The following LBH variants were observed in gnomAD, a reference collection of about 807,000 sequenced individuals.
LBH encodes protein LBH.
A neutral mutation model predicts 12.5 loss-of-function variants in LBH; 7 were observed. The observed-to-expected ratio is 0.56, with a 90% CI of 0.32 to 1.05. The LOEUF is 1.05. Among genes scored for constraint, LBH ranks in the 50% least tolerant of loss-of-function variants. LBH has a pLI of 0.04. For synonymous variants in LBH, 51 were observed against 50.1 expected, an observed-to-expected ratio of 1.02 and a Z score of -0.08; for missense variants, 119 against 138.9, an observed-to-expected ratio of 0.86 and a Z score of 0.72.
In LBH at chr2:30,257,578, A is replaced by G. The variant is rs1446609662; in HGVS notation, c.275A>G (p.Gln92Arg). The G allele has an allele frequency of 6.2e-7, 1 of 1,614,046 alleles. No homozygotes were observed. Among genetic ancestry groups the G allele is most frequent in the Non-Finnish European group, 8.5e-7 (1 of 1,179,960 alleles). ...GAGTTCCTGGTCCAGGAGGATGAGC[A>G]AGATAACTGCGAAGAGACAGCGAAA... ...PEEFLVQEDE[Q>R]DNCEETAKEN... Residue 92 changes from glutamine to arginine, a missense_variant, in exon 3 of 3, where the codon CAA becomes CGA. Gln to Arg is a conservative substitution (Grantham distance 43, BLOSUM62 1). Coordinates refer to ENST00000395323, the MANE Select transcript of LBH (RefSeq NM_030915.4).
intron 2 of LBH, among the ~76,000 whole-genome samples, chr2:30,239,398 T>C (rs1490435038): frequency 6.6e-6 from 1 of 152,192 alleles, no homozygotes; most frequent in Non-Finnish European, 1.5e-5. Context: ...ATCCGCCTCC[T>C]CCTCATTACC....
At chr2:30,247,111 G>T (rs2103560532) in intron 2 of LBH, among the ~76,000 whole-genome samples, 1 of 152,128 alleles carries the variant, frequency 6.6e-6, no homozygotes, top group South Asian at 2.1e-4. Flanking sequence ...ATGAAACACT[G>T]TGCCCAGCCA....
intron 2 of LBH, among the ~76,000 whole-genome samples, chr2:30,247,087 C>G (rs1677884596): frequency 1.3e-5 from 2 of 151,116 alleles, no homozygotes; most frequent in South Asian, 4.1e-4. Context: ...TCCCAAAGTG[C>G]TGGGATTATA....
In LBH at chr2:30,234,412, T is replaced by TATCTGAGATC; in HGVS notation, c.35_44dup (p.Ala16SerfsTer8). On this transcript the variant is annotated frameshift_variant, in exon 2 of 3. Coordinates refer to ENST00000395323, the MANE Select transcript of LBH (RefSeq NM_030915.4). LOFTEE classifies it high-confidence loss of function. ...GTCTGGGTTTCTTGGCAGCCCCGAC[T>TATCTGAGATC]ATCTGAGATCGGCCAAGATGACTGA... 1 of 1,614,020 alleles carries TATCTGAGATC rather than the reference T, an allele frequency of 6.2e-7. No individual in the cohort carries two copies. Among genetic ancestry groups the TATCTGAGATC allele is most frequent in the South Asian group, 1.1e-5 (1 of 91,076 alleles).
rs10171296 is a variant in LBH at position 30,258,443 on chromosome 2, A to G, written c.*822A>G. ...AGCACTTTTTAGGAGTAGTGAGAGCACTTCCTGCCCTTGTTGGAAGCCCCA... is the reference window on the plus strand; with the variant it reads ...AGCACTTTTTAGGAGTAGTGAGAGCGCTTCCTGCCCTTGTTGGAAGCCCCA... On this transcript the variant is annotated 3_prime_UTR_variant, in exon 3 of 3. Transcript: ENST00000395323. 0.17 allele frequency: 26,354 copies of G among 152,292 alleles called. 2,501 individuals carry two copies. Among genetic ancestry groups the G allele is most frequent in the Non-Finnish European group, 0.2 (13,446 of 68,064 alleles). 9.4% of individuals were successfully genotyped at this position (152,292 alleles called of 1,614,324 possible).
At chr2:30,241,602 A>C (rs1340301592) in intron 2 of LBH, among the ~76,000 whole-genome samples, 3 of 151,314 alleles carry the variant, frequency 2.0e-5, no homozygotes, top group Non-Finnish European at 4.4e-5. Context: ...TGGGACTACA[A>C]ACACGTGCCA....
chr2:30,231,865 C>A, intron 1 of LBH, 101 bp downstream of exon 1: 1 of 1,087,962 alleles, frequency 9.2e-7, no homozygotes. Flanking sequence ...CAGCCGGCGG[C>A]GCGGGCGCTC....
intron 1 of LBH, chr2:30,232,026 C>T: frequency 2.4e-6 from 3 of 1,269,758 alleles, no homozygotes; most frequent in Non-Finnish European, 3.2e-6. Context: ...TATTGGTTGG[C>T]GGGGGAGCCA....
chr2:30,254,621 TC>T (rs1159620223), intron 2 of LBH, among the ~76,000 whole-genome samples: 5 of 116,148 alleles, frequency 4.3e-5, no homozygotes, highest in East Asian at 6.1e-4. Context: ...CTCCTCCCCC[TC>T]CCCCCCTCCT....
In LBH at chr2:30,231,686, G is replaced by C; in HGVS notation, c.-53G>C. 1 of 1,561,402 alleles carries C rather than the reference G, an allele frequency of 6.4e-7. No homozygotes were observed. The highest frequency in any genetic ancestry group is 8.8e-7 in the Non-Finnish European group (1 of 1,142,130). On this transcript the variant is annotated 5_prime_UTR_variant, in exon 1 of 3. Transcript: ENST00000395323. ...CGCCCGTGTCATCCTCACTCGGGAC[G>C]CAGGGACCGTTTTTAAATCACAGGG...
At chr2:30,240,431 G>C (rs1677771937) in intron 2 of LBH, among the ~76,000 whole-genome samples, 1 of 152,142 alleles carries the variant, frequency 6.6e-6, no homozygotes, top group African/African-American at 2.4e-5. Flanking sequence ...TCCTGAAGTA[G>C]TCCTCAGAGG....
At chr2:30,243,815 C>T (rs1677828561) in intron 2 of LBH, among the ~76,000 whole-genome samples, 1 of 152,110 alleles carries the variant, frequency 6.6e-6, no homozygotes, top group Non-Finnish European at 1.5e-5. Flanking sequence ...AGACGTGAGC[C>T]ACTGCGCCTG....
intron 2 of LBH, among the ~76,000 whole-genome samples, chr2:30,253,118 T>C (rs1414037606): frequency 3.9e-5 from 6 of 152,194 alleles, no homozygotes; most frequent in Non-Finnish European, 8.8e-5. Context: ...TGTCATGTGC[T>C]TGGCAAGTCT....
At chr2:30,231,883 A>C in intron 1 of LBH, 119 bp downstream of exon 1, 4 of 651,536 alleles carry the variant, frequency 6.1e-6, no homozygotes, top group Non-Finnish European at 8.1e-6. Flanking sequence ...CTCAGCGCTA[A>C]CCCGCCGCCC....
intron 2 of LBH, among the ~76,000 whole-genome samples, chr2:30,238,058 C>G (rs1677717928): frequency 6.6e-6 from 1 of 152,222 alleles, no homozygotes; most frequent in African/African-American, 2.4e-5. Flanking sequence ...GGAAGCAAGT[C>G]AGCAGCTGCT....
intron 2 of LBH, among the ~76,000 whole-genome samples, chr2:30,245,021 T>C (rs1677848817): frequency 1.3e-5 from 2 of 152,236 alleles, no homozygotes. Context: ...ATCCAGAATT[T>C]GTAAATTAAC....
chr2:30,246,185 T>A (rs1317409365), intron 2 of LBH, among the ~76,000 whole-genome samples: 3 of 150,850 alleles, frequency 2.0e-5, no homozygotes, highest in Non-Finnish European at 4.4e-5. Flanking sequence ...TCTCAAACTC[T>A]TGACCTCAAG....
rs534663644 is a variant in LBH, at chr2:30,232,570, C to T, written c.26+806C>T. 1,160 of 186,812 alleles carry T rather than the reference C, an allele frequency of 6.2e-3. 12 individuals are homozygous for T. Among genetic ancestry groups the T allele is most frequent in the Middle Eastern group, 0.029 (14 of 490 alleles). The allele number at this position is 186,812 out of a possible 1,614,324, so 11.6% of individuals were successfully genotyped here. A position where few individuals can be genotyped will look rare whatever the true frequency, so the allele number is the denominator to read the frequency against. ...AGGAGAAGCGGCCGGGGGCGAGCGC[C>T]GGCAGCCCCGGAGCGCGCTCTCAGG... On this transcript the variant is annotated intron_variant, in intron 1 of 2. Coordinates refer to ENST00000395323, the MANE Select transcript of LBH (RefSeq NM_030915.4).
At chr2:30,249,553 G>A (rs894143066) in intron 2 of LBH, among the ~76,000 whole-genome samples, 1 of 152,206 alleles carries the variant, frequency 6.6e-6, no homozygotes, top group African/African-American at 2.4e-5. Flanking sequence ...GCGGGGTAGT[G>A]ACAAGGGCAT....
Sources: gnomAD v4.1 joint callset for allele counts (sites outside exome capture counted in the v4.1 genomes callset) on GRCh38, gnomAD v4.1.1 for gene constraint, MANE v1.5 for transcripts, NCBI Gene and HGNC (gene_info 2026-07-23, HGNC 2026-07-21) for gene names.